The following APOLD1 variants were observed in gnomAD, a reference collection of about 807,000 sequenced individuals.
APOLD1 encodes apolipoprotein L domain containing 1.
APOLD1 carries 22 observed loss-of-function variants against 15.3 expected under a neutral mutation model. That is an observed-to-expected ratio of 1.44 (90% CI 1.03 to 2.05). The LOEUF is 2.05. APOLD1 is among the 30% of genes most tolerant of loss of function. The pLI is 0.00. For missense variants in APOLD1, 394 were observed against 353.5 expected, an observed-to-expected ratio of 1.11 and a Z score of -0.92; for synonymous variants, 190 against 167.4, an observed-to-expected ratio of 1.13 and a Z score of -1.04.
intron 1 of APOLD1, among the ~76,000 whole-genome samples, chr12:12,786,345 A>G (rs1947124108): frequency 6.6e-6 from 1 of 152,178 alleles, no homozygotes; most frequent in African/African-American, 2.4e-5. Flanking sequence ...CACAAGCAGA[A>G]GAGTTGCTTC....
At chr12:12,758,905 G>C (rs1032366104) in intron 1 of APOLD1, among the ~76,000 whole-genome samples, 5 of 152,162 alleles carry the variant, frequency 3.3e-5, no homozygotes, top group Non-Finnish European at 5.9e-5. Flanking sequence ...TGAATTGCCA[G>C]AGTCACTATT....
rs546056877 is a variant in APOLD1 at position 12,771,670 on chromosome 12, T to C, written c.97-15239T>C. ...TTCATTGAAACCCAAGCCTCTTGTCTCCTCTGGCTCCTCAAAGAGCCAAGG... is the reference window on the plus strand; with the variant it reads ...TTCATTGAAACCCAAGCCTCTTGTCCCCTCTGGCTCCTCAAAGAGCCAAGG... On this transcript the variant is annotated intron_variant, in intron 1 of 1. Transcript: ENST00000326765. The C allele has an allele frequency of 8.0e-4, 376 of 471,602 alleles. 5 individuals are homozygous for C. Among genetic ancestry groups the C allele is most frequent in the South Asian group, 3.4e-3 (215 of 64,072 alleles). 29.2% of individuals were successfully genotyped at this position (471,602 alleles called of 1,614,324 possible).
chr12:12,749,086 T>C (rs1820523365), intron 1 of APOLD1, among the ~76,000 whole-genome samples: 1 of 152,082 alleles, frequency 6.6e-6, no homozygotes, highest in Admixed American at 6.6e-5. Flanking sequence ...CTCTTGGCAT[T>C]GATCAAGTGG....
chr12:12,728,665 CAAAAAA>C (rs58877184), intron 1 of APOLD1, among the ~76,000 whole-genome samples: 37 of 62,842 alleles, frequency 5.9e-4, no homozygotes, highest in African/African-American at 2.8e-3. Flanking sequence ...GACCCTGTCT[CAAAAAA>C]AAAAAAAAAA....
intron 1 of APOLD1, among the ~76,000 whole-genome samples, chr12:12,761,537 G>A (rs1424586344): frequency 6.6e-6 from 1 of 152,028 alleles, no homozygotes; most frequent in Non-Finnish European, 1.5e-5. Flanking sequence ...AATTTGAGGA[G>A]TCTTCCCTAC....
chr12:12,748,209 G>T (rs1442144035), intron 1 of APOLD1, among the ~76,000 whole-genome samples: 2 of 152,208 alleles, frequency 1.3e-5, no homozygotes, highest in Non-Finnish European at 2.9e-5. Context: ...TGGAGCAGCT[G>T]GGTTCTCTAT....
chr12:12,785,820 A>G (rs1329554608), intron 1 of APOLD1, 126 bp downstream of exon 1: 1 of 911,282 alleles, frequency 1.1e-6, no homozygotes, highest in African/African-American at 1.6e-5. Flanking sequence ...CCTGTGAATA[A>G]GGAGATGAGG....
Position 12,787,898 on chromosome 12 carries a change from T to C in APOLD1, c.*246T>C. The C allele has an allele frequency of 2.0e-6, 1 of 505,980 alleles. No individual in the cohort carries two copies. Among genetic ancestry groups the C allele is most frequent in the African/African-American group, 2.0e-5 (1 of 51,110 alleles). The allele number at this position is 505,980 out of a possible 1,614,324, so 31.3% of individuals were successfully genotyped here. ...GGAAAAATGTGACCCAAAAACTCTT[T>C]TTCCTTTATCAAAAACTTTCTGTCT... is the stretch of plus-strand genomic sequence containing the variant. On this transcript the variant is annotated 3_prime_UTR_variant, in exon 2 of 2. Coordinates refer to ENST00000356591, the MANE Select transcript of APOLD1 (RefSeq NM_030817.3). The surrounding 1 kb of genome is among the most constrained non-coding windows in gnomAD (Gnocchi z 4.9).
At chr12:12,774,466 A>G (rs58220914) in intron 1 of APOLD1, among the ~76,000 whole-genome samples, 14,200 of 146,278 alleles carry the variant, frequency 0.097, 707 homozygotes, top group East Asian at 0.13. Flanking sequence ...GAATGGCTTG[A>G]ACCCAGAAGG....
At chr12:12,754,731 G>T (rs1028974960) in intron 1 of APOLD1, among the ~76,000 whole-genome samples, 2 of 151,722 alleles carry the variant, frequency 1.3e-5, no homozygotes, top group African/African-American at 4.8e-5. Flanking sequence ...ATGCCTGGCC[G>T]AAATCTATCT....
At chr12:12,783,631 T>G (rs1420569670), upstream of APOLD1, among the ~76,000 whole-genome samples, 16 of 63,878 alleles carry the variant, frequency 2.5e-4, no homozygotes, top group African/African-American at 7.9e-4. Context: ...TTTTTTTTTG[T>G]TTTTTTTTTT....
intron 1 of APOLD1, among the ~76,000 whole-genome samples, chr12:12,735,277 C>T (rs538411023): frequency 7.1e-4 from 108 of 152,192 alleles, no homozygotes; most frequent in Non-Finnish European, 1.3e-3. Context: ...CCCTCACCTG[C>T]AGTGCCTTCC....
At chr12:12,735,490 G>A (rs555528012) in intron 1 of APOLD1, among the ~76,000 whole-genome samples, 4 of 152,252 alleles carry the variant, frequency 2.6e-5, no homozygotes, top group African/African-American at 9.6e-5. Context: ...AGTCAGAGAA[G>A]AGCTTTGAAA....
In APOLD1 at chr12:12,787,580, G is replaced by C. The variant is rs1160171896; in HGVS notation, c.675G>C (p.Gln225His). 3.7e-6 allele frequency: 6 copies of C among 1,612,680 alleles called. No homozygotes were observed. The Admixed American group carries it at 1.0e-4, about 27-fold the overall frequency. The change falls in exon 2 of 2, where the codon CAG becomes CAC. Residue 225 changes from glutamine (Q) to histidine (H), a missense_variant. By Grantham distance (24) the Gln-to-His change is conservative. Coordinates refer to ENST00000356591, the MANE Select transcript of APOLD1 (RefSeq NM_030817.3). The surrounding 1 kb of genome is among the most constrained non-coding windows in gnomAD (Gnocchi z 4.9). ...ELSEQLESRVQLCTKSSRGHD... is the reference protein window; with the variant it reads ...ELSEQLESRVHLCTKSSRGHD... The stretch of plus-strand genomic sequence containing the variant: ...GCGAGCAGCTGGAGTCTCGGGTTCA[G>C]CTCTGCACCAAGTCCAGTCGTGGCC...
At chr12:12,761,838 G>GT (rs1946902633) in intron 1 of APOLD1, among the ~76,000 whole-genome samples, 2 of 130,402 alleles carry the variant, frequency 1.5e-5, no homozygotes, top group African/African-American at 7.6e-5. Context: ...TATAGAGAGA[G>GT]AGAGAGAGAG....
intron 1 of APOLD1, among the ~76,000 whole-genome samples, chr12:12,768,744 C>T (rs1946960858): frequency 6.6e-6 from 1 of 151,708 alleles, no homozygotes; most frequent in African/African-American, 2.4e-5. Context: ...GACTCAAACT[C>T]CTCGTTTTCA....
intron 1 of APOLD1, among the ~76,000 whole-genome samples, chr12:12,756,588 G>A (rs1946859086): frequency 6.6e-6 from 1 of 151,660 alleles, no homozygotes; most frequent in South Asian, 2.1e-4. Context: ...TCTCATTGTT[G>A]TGCAACCATC....
rs749843349 is a variant in APOLD1 at position 12,730,026 on chromosome 12, T to TTGTG, written c.96+3979_96+3982dup. ...TGCACACCACCATGCCCAGCTAACT[T>TTGTG]TGTGTGTGTGTGTGTGTGTGTGTGT... On this transcript the variant is annotated intron_variant, in intron 1 of 1. Coordinates refer to the APOLD1 transcript ENST00000326765. Among the ~76,000 whole-genome samples, 58 of 117,808 alleles carry TTGTG rather than the reference T, an allele frequency of 4.9e-4. 1 individual carries two copies. Among genetic ancestry groups the TTGTG allele is most frequent in the African/African-American group, 2.0e-3 (58 of 29,296 alleles). 77.3% of individuals were successfully genotyped at this position (117,808 alleles called of 152,430 possible).
chr12:12,780,249 CTTT>C (rs11288514), intron 1 of APOLD1, among the ~76,000 whole-genome samples: 4 of 145,536 alleles, frequency 2.7e-5, no homozygotes, highest in Non-Finnish European at 1.5e-5. Context: ...TTTTAATTTG[CTTT>C]TTTTTTTTTT....
Sources: gnomAD v4.1 joint callset for allele counts (sites outside exome capture counted in the v4.1 genomes callset) on GRCh38, gnomAD v4.1.1 for gene constraint, Gnocchi (gnomAD v3.1) non-coding constraint, MANE v1.5 for transcripts, NCBI Gene and HGNC (gene_info 2026-07-23, HGNC 2026-07-21) for gene names.